ATRNL1: variants seen among roughly 807,000 people sequenced by gnomAD.
ATRNL1 encodes the protein attractin-like protein 1.
In ATRNL1, 95 loss-of-function variants were observed where a neutral mutation model predicts 182.7. That is an observed-to-expected ratio of 0.52 (90% CI 0.44 to 0.62). ATRNL1 has a LOEUF of 0.62. ATRNL1 is among the 20% of genes least tolerant of loss of function. The probability of loss-of-function intolerance (pLI) is 0.00; values close to 1 mark genes in which losing one functional copy is unlikely to be tolerated. For synonymous variants in ATRNL1, 576 were observed against 568.3 expected, an observed-to-expected ratio of 1.01 and a Z score of -0.19; for missense variants, 1,471 against 1,679.5, an observed-to-expected ratio of 0.88 and a Z score of 2.17.
chr10:115,556,112 C>T (rs1050535488), intron 26 of ATRNL1, among the ~76,000 whole-genome samples: 4 of 151,964 alleles, frequency 2.6e-5, no homozygotes, highest in African/African-American at 9.7e-5. Flanking sequence ...GTAACTTATG[C>T]ATCTGTTTGT....
chr10:115,119,408 A>G (rs578127291), intron 1 of ATRNL1, among the ~76,000 whole-genome samples: 2 of 152,142 alleles, frequency 1.3e-5, no homozygotes, highest in East Asian at 1.9e-4. Context: ...GTGTGTTTGC[A>G]TATATAAGTA....
chr10:115,448,388 G>T (rs1847111801), intron 21 of ATRNL1, among the ~76,000 whole-genome samples: 1 of 152,006 alleles, frequency 6.6e-6, no homozygotes, highest in Non-Finnish European at 1.5e-5. Flanking sequence ...AAAGAAAATT[G>T]CTCAAGAAAT....
At chr10:115,476,834 A>C (rs1554973229) in intron 24 of ATRNL1, among the ~76,000 whole-genome samples, 1 of 151,432 alleles carries the variant, frequency 6.6e-6, no homozygotes, top group Non-Finnish European at 1.5e-5. Context: ...TAACTACTAG[A>C]AATTACTCTT....
At chr10:115,619,015 T>C (rs935298153) in intron 26 of ATRNL1, among the ~76,000 whole-genome samples, 7 of 152,214 alleles carry the variant, frequency 4.6e-5, no homozygotes, top group Non-Finnish European at 7.3e-5. Context: ...GTCAGTTGAA[T>C]AGGATACTTT....
chr10:115,207,573 T>C (rs1848848117), intron 8 of ATRNL1, among the ~76,000 whole-genome samples: 1 of 152,048 alleles, frequency 6.6e-6, no homozygotes, highest in South Asian at 2.1e-4. Flanking sequence ...AATTTTTGTT[T>C]CACTTTCATT....
chr10:115,152,396 A>T (rs1305176462), intron 5 of ATRNL1, among the ~76,000 whole-genome samples: 1 of 152,116 alleles, frequency 6.6e-6, no homozygotes, highest in East Asian at 1.9e-4. Context: ...TTCATTGAGC[A>T]GTGGTTTGTA....
intron 27 of ATRNL1, among the ~76,000 whole-genome samples, chr10:115,804,397 GTCATGA>G (rs1238376138): frequency 1.3e-5 from 2 of 152,064 alleles, no homozygotes; most frequent in Non-Finnish European, 2.9e-5. Context: ...AGGTGGTTAG[GTCATGA>G]GGTTGGGGCC....
chr10:115,634,299 C>T (rs979961323), intron 26 of ATRNL1, among the ~76,000 whole-genome samples: 19 of 152,078 alleles, frequency 1.2e-4, no homozygotes, highest in Admixed American at 9.2e-4. Flanking sequence ...TATACCGTGG[C>T]ATTTCATTAG....
In ATRNL1 at chr10:115,767,696, G is replaced by A. The variant is rs368006180; in HGVS notation, c.3903+40341G>A. Among the ~76,000 whole-genome samples the A allele has an allele frequency of 1.2e-4, 18 of 152,110 alleles. No individual in the cohort carries two copies. In the East Asian group the frequency reaches 1.5e-3, roughly 13 times the overall value. ...ATCAACCAGCACCAACTTTCAAGAC[G>A]TCTATCATCCCTATTACTCTATGTT... is the stretch of plus-strand genomic sequence containing the variant. On this transcript the variant is annotated intron_variant, in intron 27 of 28. Transcript: ENST00000355044.
intron 20 of ATRNL1, among the ~76,000 whole-genome samples, chr10:115,404,134 A>G (rs1844712915): frequency 1.3e-5 from 2 of 152,176 alleles, no homozygotes; most frequent in Non-Finnish European, 2.9e-5. Context: ...TGACTTAATG[A>G]ATTTAAAGCT....
At chr10:115,274,804 A>T (rs1432656321) in intron 13 of ATRNL1, among the ~76,000 whole-genome samples, 1 of 152,208 alleles carries the variant, frequency 6.6e-6, no homozygotes, top group Non-Finnish European at 1.5e-5. Flanking sequence ...CATTTGCCAG[A>T]TGTTTAGCTG....
intron 1 of ATRNL1, among the ~76,000 whole-genome samples, chr10:115,098,453 CTTTTTTTTTTTTTTT>C (rs71010006): frequency 7.4e-5 from 6 of 80,752 alleles, no homozygotes; most frequent in African/African-American, 2.5e-4. Context: ...ATACTAGTTT[CTTTTTTTTTTTTTTT>C]TTTTTTTTTT....
At chr10:115,334,982 AGTT>A (rs782024470) in intron 19 of ATRNL1, among the ~76,000 whole-genome samples, 11 of 152,254 alleles carry the variant, frequency 7.2e-5, no homozygotes, top group Non-Finnish European at 1.6e-4. Flanking sequence ...TAATTCACTG[AGTT>A]GTTGTAAAGG....
chr10:115,766,573 G>T lies in ATRNL1; in HGVS notation c.3903+39218G>T, dbSNP rs17093572. 4.7e-3 allele frequency among the ~76,000 whole-genome samples: 716 copies of T among 152,278 alleles called. 6 individuals are homozygous for T. The highest frequency in any genetic ancestry group is 0.017 in the African/African-American group (699 of 41,566). On this transcript the variant is annotated intron_variant, in intron 27 of 28. Transcript: ENST00000355044. The stretch of plus-strand genomic sequence containing the variant: ...TATCTCATAGTTTTAACTGGCATAT[G>T]AATTCACATTTTGATGGAACTTTGC...
At chr10:115,132,611 A>G (rs2143736596) in intron 5 of ATRNL1, among the ~76,000 whole-genome samples, 1 of 152,166 alleles carries the variant, frequency 6.6e-6, no homozygotes, top group African/African-American at 2.4e-5. Flanking sequence ...TGAGTTTTTA[A>G]TGATCGCCAT....
chr10:115,352,881 C>A (rs1286814735), intron 19 of ATRNL1, among the ~76,000 whole-genome samples: 1 of 151,986 alleles, frequency 6.6e-6, no homozygotes, highest in African/African-American at 2.4e-5. Flanking sequence ...CCAGCCTGGG[C>A]AACAAGAGCA....
At chr10:115,559,446 G>GCACA (rs1311265976) in intron 26 of ATRNL1, among the ~76,000 whole-genome samples, 20 of 123,148 alleles carry the variant, frequency 1.6e-4, no homozygotes, top group African/African-American at 6.0e-4. Flanking sequence ...GTGTGTGTGC[G>GCACA]CGCGCGCACG....
intron 1 of ATRNL1, among the ~76,000 whole-genome samples, chr10:115,118,770 C>T (rs1486213750): frequency 5.9e-5 from 9 of 152,132 alleles, no homozygotes; most frequent in African/African-American, 2.2e-4. Flanking sequence ...CCTGCCTCCT[C>T]TTAAAGAATT....
intron 26 of ATRNL1, among the ~76,000 whole-genome samples, chr10:115,575,512 C>T (rs1555004870): frequency 6.6e-6 from 1 of 152,060 alleles, no homozygotes; most frequent in African/African-American, 2.4e-5. Flanking sequence ...GTTTTACTTT[C>T]ATTTCATTGT....
Sources: gnomAD v4.1 joint callset for allele counts (sites outside exome capture counted in the v4.1 genomes callset) on GRCh38, gnomAD v4.1.1 for gene constraint, MANE v1.5 for transcripts, NCBI Gene and HGNC (gene_info 2026-07-23, HGNC 2026-07-21) for gene names.